Variants in YIPF7 observed in about 807,000 individuals in gnomAD.
The protein encoded by YIPF7 is protein YIPF7.
A neutral mutation model predicts 27.2 loss-of-function variants in YIPF7; 35 were observed. That is an observed-to-expected ratio of 1.29 (90% CI 0.98 to 1.70). The LOEUF is 1.70. Ranked by LOEUF, YIPF7 falls within the 40% of genes most tolerant of loss-of-function variation. The probability of loss-of-function intolerance (pLI) is 0.00; values close to 1 mark genes in which losing one functional copy is unlikely to be tolerated. For missense variants in YIPF7, 358 were observed against 303.7 expected, an observed-to-expected ratio of 1.18 and a Z score of -1.33; for synonymous variants, 137 against 110.4, an observed-to-expected ratio of 1.24 and a Z score of -1.51.
intron 2 of YIPF7, among the ~76,000 whole-genome samples, chr4:44,638,112 G>A (rs72624162): frequency 0.094 from 14,200 of 151,834 alleles, 813 homozygotes; most frequent in East Asian, 0.25. Flanking sequence ...CCAATAATCA[G>A]GGAAATGCAA....
chr4:44,661,188 G>A (rs929419411), intron 1 of YIPF7, among the ~76,000 whole-genome samples: 8 of 152,258 alleles, frequency 5.3e-5, no homozygotes, highest in African/African-American at 1.9e-4. Context: ...ATAAAACTTA[G>A]GATGCCACCA....
At chr4:44,636,174 C>T in intron 2 of YIPF7, 89 bp from the exon 3 acceptor site, 2 of 1,359,380 alleles carry the variant, frequency 1.5e-6, no homozygotes, top group South Asian at 1.6e-5. Flanking sequence ...TACATGAATT[C>T]ATGTAGTTTT....
chr4:44,648,883 T>C (rs377543709), intron 2 of YIPF7, among the ~76,000 whole-genome samples: 36 of 152,270 alleles, frequency 2.4e-4, no homozygotes, highest in African/African-American at 8.7e-4. Context: ...TGAACCAAAT[T>C]CTTCTTACTC....
At chr4:44,655,710 C>T (rs751076534), upstream of YIPF7, among the ~76,000 whole-genome samples, 11 of 151,920 alleles carry the variant, frequency 7.2e-5, no homozygotes, top group African/African-American at 2.2e-4. Context: ...CATTGTTTTC[C>T]GTTATTTTTA....
chr4:44,650,090 A>C lies in YIPF7; in HGVS notation c.11T>G (p.Leu4Trp). The change falls in exon 2 of 6, where the codon TTG (leucine) becomes TGG (tryptophan). Residue 4 changes from leucine (L) to tryptophan (W), a missense_variant. Physicochemically the swap from Leu to Trp is moderately conservative, Grantham distance 61 (BLOSUM62 -2). Transcript: ENST00000415895. Reference protein sequence around the residue: MSNLAQFDSDFYQS... With the variant: MSNWAQFDSDFYQS... ...GTAAAAATCAGAGTCAAATTGTGCC[A>C]AGTTTGACATCCTGAAAAATAAGAG... The C allele has an allele frequency of 6.4e-7, 1 of 1,558,184 alleles. No individual in the cohort carries two copies. Among genetic ancestry groups the C allele is most frequent in the South Asian group, 1.2e-5 (1 of 84,734 alleles).
intron 3 of YIPF7, among the ~76,000 whole-genome samples, chr4:44,633,310 A>C (rs1712987432): frequency 6.6e-6 from 1 of 152,228 alleles, no homozygotes; most frequent in Non-Finnish European, 1.5e-5. Flanking sequence ...CATATTTTCT[A>C]TTCAAATTGA....
intron 3 of YIPF7, among the ~76,000 whole-genome samples, chr4:44,632,901 G>A (rs1192066934): frequency 3.9e-5 from 6 of 152,106 alleles, no homozygotes; most frequent in Non-Finnish European, 7.4e-5. Flanking sequence ...TCCCCGGGCC[G>A]TGGACCCATA....
chr4:44,635,922 C>A lies in YIPF7; in HGVS notation c.280G>T (p.Glu94Ter), dbSNP rs1472993599. ...CATTAATAACACTTCCTTAACTTAT[C>A]TTCTAGCAAAGGAGGCTCTTCATCA... ...SFDEEPPLLE[E>*]LGIHFDHIWQ... Residue 94 changes from glutamate to a stop codon, truncating the protein, a stop_gained and splice_region_variant, in exon 3 of 6, where the codon GAA (glutamate) becomes TAA (stop). Transcript: ENST00000415895. LOFTEE classifies it high-confidence loss of function. The A allele has an allele frequency of 1.9e-6, 3 of 1,613,562 alleles. No homozygotes were observed. The Admixed American group carries it at 5.0e-5, about 27-fold the overall frequency.
At chr4:44,653,245 C>T (rs1265405729), upstream of YIPF7, among the ~76,000 whole-genome samples, 1 of 151,766 alleles carries the variant, frequency 6.6e-6, no homozygotes, top group African/African-American at 2.4e-5. Flanking sequence ...GAGGCTGGAC[C>T]AAAAAGGAGC....
intron 3 of YIPF7, among the ~76,000 whole-genome samples, chr4:44,635,634 A>G (rs1009646949): frequency 6.6e-6 from 1 of 152,172 alleles, no homozygotes; most frequent in African/African-American, 2.4e-5. Flanking sequence ...AGATGTCTTC[A>G]TTTTTTTCTA....
intron 2 of YIPF7, among the ~76,000 whole-genome samples, chr4:44,645,691 A>C (rs1713503700): frequency 6.6e-6 from 1 of 152,208 alleles, no homozygotes; most frequent in African/African-American, 2.4e-5. Flanking sequence ...TTAGATCAAA[A>C]GAAACATTGA....
At chr4:44,644,549 C>T (rs1713457075) in intron 2 of YIPF7, among the ~76,000 whole-genome samples, 1 of 152,156 alleles carries the variant, frequency 6.6e-6, no homozygotes, top group African/African-American at 2.4e-5. Flanking sequence ...AGAATGCCTA[C>T]ACCTCTATTG....
At chr4:44,649,274 G>A (rs952285450) in intron 2 of YIPF7, among the ~76,000 whole-genome samples, 3 of 152,270 alleles carry the variant, frequency 2.0e-5, no homozygotes, top group Admixed American at 2.0e-4. Context: ...TTAAGTGATA[G>A]TTTGAAAAGA....
Position 44,629,507 on chromosome 4 carries a change from T to A in YIPF7, c.322A>T (p.Thr108Ser). The A allele has an allele frequency of 6.4e-7, 1 of 1,572,956 alleles. No individual in the cohort carries two copies. Among genetic ancestry groups the A allele is most frequent in the South Asian group, 1.2e-5 (1 of 84,838 alleles). Reference sequence around the variant, plus strand: ...ACTGGCTTCATTGGGTTTAACACTGTCAAAGTTTTTTGCCATATGTGATCA... The same window carrying A: ...ACTGGCTTCATTGGGTTTAACACTGACAAAGTTTTTTGCCATATGTGATCA... The part of the protein sequence containing the change: ...HFDHIWQKTL[T>S]VLNPMKPVDG... The change falls in exon 4 of 6, where the codon ACA becomes TCA. Residue 108 changes from threonine (T) to serine (S), a missense_variant. Coordinates refer to ENST00000415895, the MANE Select transcript of YIPF7 (RefSeq NM_182592.3).
chr4:44,640,933 C>T (rs1418738523), intron 2 of YIPF7, among the ~76,000 whole-genome samples: 4 of 151,988 alleles, frequency 2.6e-5, no homozygotes, highest in Non-Finnish European at 5.9e-5. Flanking sequence ...TGGTGTCTTA[C>T]TTTAGCTGCT....
intron 2 of YIPF7, among the ~76,000 whole-genome samples, chr4:44,637,758 C>T (rs962788787): frequency 3.9e-5 from 6 of 152,140 alleles, no homozygotes; most frequent in African/African-American, 1.4e-4. Context: ...CATCCTTTCT[C>T]TCGAGTCCCC....
intron 2 of YIPF7, among the ~76,000 whole-genome samples, chr4:44,643,946 G>T (rs1266737554): frequency 6.6e-6 from 1 of 152,078 alleles, no homozygotes; most frequent in African/African-American, 2.4e-5. Flanking sequence ...CTCTACTAGG[G>T]AAGTGTGGAA....
chr4:44,632,133 A>G (rs938896082), intron 3 of YIPF7, among the ~76,000 whole-genome samples: 1 of 152,188 alleles, frequency 6.6e-6, no homozygotes, highest in African/African-American at 2.4e-5. Context: ...TGTGCTTTCT[A>G]CTGAAATAGA....
Position 44,622,434 on chromosome 4 carries a change from CA to C in YIPF7, c.750del (p.Phe250LeufsTer4), listed in dbSNP as rs1207466796. ...ATTCTTTAGAAAATTGTTAGGAGGG[CA>C]AAAAGTCCATAAAGTATGGCACAAG... ...AYPCAILYGL[F>X]ALLTIF On this transcript the variant is annotated frameshift_variant, in exon 6 of 6. Transcript: ENST00000415895. LOFTEE classifies it high-confidence loss of function. 3.1e-6 allele frequency: 5 copies of C among 1,612,720 alleles called. No homozygotes were observed. Among genetic ancestry groups the C allele is most frequent in the Non-Finnish European group, 4.2e-6 (5 of 1,179,436 alleles).
Sources: gnomAD v4.1 joint callset for allele counts (sites outside exome capture counted in the v4.1 genomes callset) on GRCh38, gnomAD v4.1.1 for gene constraint, MANE v1.5 for transcripts, NCBI Gene and HGNC (gene_info 2026-07-23, HGNC 2026-07-21) for gene names.